HOOK3: variants seen among roughly 807,000 people sequenced by gnomAD.
HOOK3 encodes hook microtubule tethering protein 3.
Under a neutral mutation model 116.3 loss-of-function variants are expected in HOOK3, and 24 were observed. The observed-to-expected ratio is 0.21, with a 90% CI of 0.15 to 0.29. The LOEUF (loss-of-function observed/expected upper bound fraction) is 0.29, where lower values mean the gene tolerates loss of function less well. Among genes scored for constraint, HOOK3 ranks in the 10% least tolerant of loss-of-function variants. The pLI, the probability that HOOK3 is intolerant of heterozygous loss-of-function variation, is 1.00. For synonymous variants in HOOK3, 275 were observed against 283.0 expected, an observed-to-expected ratio of 0.97 and a Z score of 0.28; for missense variants, 632 against 830.2, an observed-to-expected ratio of 0.76 and a Z score of 2.93.
In HOOK3 at chr8:42,979,254, C is replaced by T. The variant is rs183572536; in HGVS notation, c.1322-3373C>T. 3.1e-3 allele frequency among the ~76,000 whole-genome samples: 474 copies of T among 152,182 alleles called. 9 individuals are homozygous for T. Among genetic ancestry groups the T allele is most frequent in the Admixed American group, 0.028 (434 of 15,280 alleles). On this transcript the variant is annotated intron_variant, in intron 13 of 21. Coordinates refer to ENST00000307602, the MANE Select transcript of HOOK3 (RefSeq NM_032410.4). ...GCCGGTTCACTCCAGCATAGGTGACCGAGCGATACCCTGTCTCTAAAAGGA... is the reference window on the plus strand; with the variant it reads ...GCCGGTTCACTCCAGCATAGGTGACTGAGCGATACCCTGTCTCTAAAAGGA...
chr8:42,939,941 C>A (rs1473887216), intron 4 of HOOK3, among the ~76,000 whole-genome samples: 1 of 150,766 alleles, frequency 6.6e-6, no homozygotes, highest in Non-Finnish European at 1.5e-5. Context: ...CGGGAAGAGG[C>A]GCTCCTCACT....
intron 2 of HOOK3, among the ~76,000 whole-genome samples, chr8:42,911,686 A>G (rs1807432166): frequency 6.6e-6 from 1 of 152,234 alleles, no homozygotes; most frequent in South Asian, 2.1e-4. Flanking sequence ...GGGTGGACTC[A>G]AAATGGTATA....
chr8:43,010,111 A>G (rs1369022310), intron 18 of HOOK3, among the ~76,000 whole-genome samples, 194 bp from the exon 19 acceptor site: 3 of 150,880 alleles, frequency 2.0e-5, no homozygotes, highest in African/African-American at 7.3e-5. Flanking sequence ...TGTAAAAAAA[A>G]AAAAAAAAAT....
At chr8:42,936,778 T>C in intron 4 of HOOK3, among the ~76,000 whole-genome samples, 1 of 152,204 alleles carries the variant, frequency 6.6e-6, no homozygotes, top group South Asian at 2.1e-4. Context: ...GATGTGCTGC[T>C]GGATTCAGTT....
intron 15 of HOOK3, among the ~76,000 whole-genome samples, chr8:42,996,394 A>G (rs1304483250): frequency 6.6e-6 from 1 of 151,524 alleles, no homozygotes; most frequent in Non-Finnish European, 1.5e-5. Context: ...TCAAAAAAAA[A>G]AAAAAAAAAG....
chr8:43,000,848 A>G (rs1809366221), intron 16 of HOOK3: 1 of 152,254 alleles, frequency 6.6e-6, no homozygotes, highest in Non-Finnish European at 1.5e-5. Context: ...CTATGTTACT[A>G]CATATCTTCT....
At chr8:42,977,431 G>A (rs1291955348) in intron 13 of HOOK3, among the ~76,000 whole-genome samples, 1 of 151,896 alleles carries the variant, frequency 6.6e-6, no homozygotes, top group Non-Finnish European at 1.5e-5. Flanking sequence ...GACCCAAAAA[G>A]ACCCAAAGCT....
At chr8:42,950,249 AT>A (rs1405711660) in intron 5 of HOOK3, 138 bp from the exon 6 acceptor site, 5 of 592,748 alleles carry the variant, frequency 8.4e-6, no homozygotes, top group Non-Finnish European at 1.5e-5. Flanking sequence ...TTACCAATAC[AT>A]TTAATGGTGT....
chr8:42,927,526 G>A (rs1024315433), intron 3 of HOOK3, among the ~76,000 whole-genome samples: 32 of 152,244 alleles, frequency 2.1e-4, no homozygotes, highest in African/African-American at 7.7e-4. Flanking sequence ...AAAGTGCTGG[G>A]TTTACAGGCG....
intron 16 of HOOK3, among the ~76,000 whole-genome samples, chr8:42,999,807 G>A (rs1183956032): frequency 6.6e-6 from 1 of 152,106 alleles, no homozygotes; most frequent in African/African-American, 2.4e-5. Context: ...AACAAGACAG[G>A]ATGAGGAGAC....
At chr8:42,933,701 C>T (rs894386493) in intron 4 of HOOK3, among the ~76,000 whole-genome samples, 4 of 152,184 alleles carry the variant, frequency 2.6e-5, no homozygotes, top group Non-Finnish European at 5.9e-5. Context: ...TTAAGCCCCA[C>T]AAATCTGAAA....
chr8:42,995,333 A>C (rs947163002), intron 15 of HOOK3, among the ~76,000 whole-genome samples: 1 of 152,218 alleles, frequency 6.6e-6, no homozygotes, highest in East Asian at 1.9e-4. Context: ...ATAACTGGTC[A>C]TCTCTTAAAT....
chr8:43,001,703 G>A (rs1809383711), intron 16 of HOOK3, among the ~76,000 whole-genome samples: 1 of 151,994 alleles, frequency 6.6e-6, no homozygotes, highest in Non-Finnish European at 1.5e-5. Context: ...ATAGAAGCTG[G>A]CCCAATACTT....
chr8:42,954,681 C>T (rs1174463927), intron 6 of HOOK3, among the ~76,000 whole-genome samples: 1 of 152,076 alleles, frequency 6.6e-6, no homozygotes, highest in Non-Finnish European at 1.5e-5. Flanking sequence ...CAGTATGTAC[C>T]AAGCACTGTA....
At chr8:43,017,121 G>A (rs866915514) in intron 21 of HOOK3, among the ~76,000 whole-genome samples, 5 of 152,160 alleles carry the variant, frequency 3.3e-5, no homozygotes, top group South Asian at 2.1e-4. Flanking sequence ...ATTGCATCCC[G>A]TAGTTTGGCT....
At chr8:42,956,730 A>G (rs1808442867) in intron 6 of HOOK3, among the ~76,000 whole-genome samples, 1 of 152,128 alleles carries the variant, frequency 6.6e-6, no homozygotes, top group South Asian at 2.1e-4. Context: ...GATTACAGGC[A>G]GGCGCCACCA....
At chr8:42,967,471 T>G (rs1290640770) in intron 10 of HOOK3, among the ~76,000 whole-genome samples, 4 of 152,178 alleles carry the variant, frequency 2.6e-5, no homozygotes, top group African/African-American at 9.7e-5. Context: ...TCTTCAGTGT[T>G]CTGGACCTCT....
intron 9 of HOOK3, 65 bp from the exon 10 acceptor site, chr8:42,966,408 C>G: frequency 6.6e-7 from 1 of 1,505,138 alleles, no homozygotes; most frequent in Non-Finnish European, 9.1e-7. Context: ...CTTTCTTTTA[C>G]TGTTCTAAGG....
At chr8:42,904,887 T>C (rs768987375) in intron 1 of HOOK3, among the ~76,000 whole-genome samples, 2 of 152,164 alleles carry the variant, frequency 1.3e-5, no homozygotes, top group African/African-American at 2.4e-5. Flanking sequence ...ACACTTCTAT[T>C]ATACTGTTTC....
Sources: gnomAD v4.1 joint callset for allele counts (sites outside exome capture counted in the v4.1 genomes callset) on GRCh38, gnomAD v4.1.1 for gene constraint, MANE v1.5 for transcripts, NCBI Gene and HGNC (gene_info 2026-07-23, HGNC 2026-07-21) for gene names.